AADACL4: variants seen among roughly 807,000 people sequenced by gnomAD.
The protein encoded by AADACL4 is arylacetamide deacetylase like 4.
Under a neutral mutation model 14.1 loss-of-function variants are expected in AADACL4, and 9 were observed. That is an observed-to-expected ratio of 0.64 (90% CI 0.39 to 1.12). The LOEUF (loss-of-function observed/expected upper bound fraction) is 1.12, where lower values mean the gene tolerates loss of function less well. Among genes scored for constraint, AADACL4 ranks in the 50% most tolerant of loss-of-function variants. AADACL4 has a pLI of 0.01. For missense variants in AADACL4, 531 were observed against 516.1 expected (o/e 1.03, Z -0.28); for synonymous variants, 188 against 201.6 (o/e 0.93, Z 0.57).
At chr1:12,659,994 T>C (rs1647214172) in intron 2 of AADACL4, among the ~76,000 whole-genome samples, 1 of 152,154 alleles carries the variant, frequency 6.6e-6, no homozygotes, top group Non-Finnish European at 1.5e-5. Flanking sequence ...AATTTTTCAG[T>C]TATTTGTAGA....
intron 1 of AADACL4, among the ~76,000 whole-genome samples, chr1:12,647,924 T>G (rs1425918081): frequency 6.7e-6 from 1 of 150,054 alleles, no homozygotes; most frequent in Non-Finnish European, 1.5e-5. Context: ...TCCCAAACTG[T>G]TAGGATTACA....
At chr1:12,658,131 C>T (rs548063462) in intron 2 of AADACL4, among the ~76,000 whole-genome samples, 3,883 of 119,480 alleles carry the variant, frequency 0.032, 199 homozygotes, top group African/African-American at 0.11. Flanking sequence ...TTCCTTCCTT[C>T]CTTCCTTCCT....
intron 1 of AADACL4, 146 bp from the exon 2 acceptor site, chr1:12,650,977 C>A: frequency 2.7e-6 from 2 of 739,656 alleles, no homozygotes; most frequent in Non-Finnish European, 4.5e-6. Context: ...CAGTCCAGAG[C>A]CTATGGATTC....
In AADACL4 at chr1:12,666,147, T is replaced by C; in HGVS notation, c.636T>C (p.Leu212=). The change falls in exon 4 of 4, where the codon CTT becomes CTC. Residue 212 remains leucine, a synonymous_variant. Coordinates refer to ENST00000376221, the MANE Select transcript of AADACL4 (RefSeq NM_001013630.2). ...AGGCCTTGGTGGGCAGATCAGATCTTCCCCGGATCCGGGCTCAGGTTCTGA... is the reference window on the plus strand; with the variant it reads ...AGGCCTTGGTGGGCAGATCAGATCTCCCCCGGATCCGGGCTCAGGTTCTGA... ...ITQALVGRSD[L]PRIRAQVLIY... is the part of the protein sequence containing the mutation. The C allele has an allele frequency of 6.2e-7, 1 of 1,614,190 alleles. No homozygotes were observed. The highest frequency in any genetic ancestry group is 8.5e-7 in the Non-Finnish European group (1 of 1,180,034).
chr1:12,655,878 A>G (rs1381197218), intron 2 of AADACL4, among the ~76,000 whole-genome samples: 1 of 152,184 alleles, frequency 6.6e-6, no homozygotes, highest in Non-Finnish European at 1.5e-5. Context: ...GTTCTGATAA[A>G]GAGCCATGAA....
Position 12,666,143 on chromosome 1 carries a change from A to C in AADACL4, c.632A>C (p.Asp211Ala), listed in dbSNP as rs759406017. 50 of 1,614,106 alleles carry C rather than the reference A, an allele frequency of 3.1e-5. No individual in the cohort carries two copies. Among genetic ancestry groups the C allele is most frequent in the Non-Finnish European group, 3.7e-5 (44 of 1,180,062 alleles). The change falls in exon 4 of 4, where the codon GAT becomes GCT. Residue 211 changes from aspartate (D) to alanine (A), a missense_variant. Coordinates refer to ENST00000376221, the MANE Select transcript of AADACL4 (RefSeq NM_001013630.2). ...ACCCAGGCCTTGGTGGGCAGATCAG[A>C]TCTTCCCCGGATCCGGGCTCAGGTT... ...AITQALVGRS[D>A]LPRIRAQVLI...
intron 2 of AADACL4, among the ~76,000 whole-genome samples, chr1:12,660,874 C>T (rs1647221525): frequency 6.6e-6 from 1 of 152,080 alleles, no homozygotes; most frequent in African/African-American, 2.4e-5. Flanking sequence ...AAACTCCTGA[C>T]CTCGTGATCC....
Position 12,666,619 on chromosome 1 carries a change from T to C in AADACL4, c.1108T>C (p.Tyr370His). 1.2e-6 allele frequency: 2 copies of C among 1,614,228 alleles called. No individual in the cohort carries two copies. The highest frequency in any genetic ancestry group is 2.2e-5 in the South Asian group (2 of 91,080). Residue 370 changes from tyrosine to histidine, a missense_variant, in exon 4 of 4, where the codon TAC becomes CAC. Transcript: ENST00000376221. ...GGACCAGGGGGTCCGCGTGACATGGTACCACCTGTATGATGGTTTTCACGG... is the reference window on the plus strand; with the variant it reads ...GGACCAGGGGGTCCGCGTGACATGGCACCACCTGTATGATGGTTTTCACGG... ...LEDQGVRVTW[Y>H]HLYDGFHGSI...
intron 1 of AADACL4, among the ~76,000 whole-genome samples, chr1:12,648,162 G>A (rs892046014): frequency 2.0e-5 from 3 of 151,912 alleles, no homozygotes; most frequent in African/African-American, 4.8e-5. Context: ...AGTAGAGATG[G>A]GGTTTCACCA....
intron 3 of AADACL4, among the ~76,000 whole-genome samples, chr1:12,665,160 T>TGAGA (rs936456275): frequency 6.6e-6 from 1 of 152,216 alleles, no homozygotes; most frequent in African/African-American, 2.4e-5. Flanking sequence ...CCTGAGTAAC[T>TGAGA]GAGACTACAA....
chr1:12,660,116 C>T (rs555111896), intron 2 of AADACL4, among the ~76,000 whole-genome samples: 2 of 152,200 alleles, frequency 1.3e-5, no homozygotes, highest in South Asian at 4.2e-4. Flanking sequence ...CTGTGCCTGG[C>T]CTAATTATTT....
At chr1:12,646,840 C>G (rs968720826) in intron 1 of AADACL4, among the ~76,000 whole-genome samples, 2 of 152,092 alleles carry the variant, frequency 1.3e-5, no homozygotes, top group African/African-American at 4.8e-5. Flanking sequence ...GGCACACTGC[C>G]CATCATGGGG....
intron 1 of AADACL4, among the ~76,000 whole-genome samples, chr1:12,650,510 T>A (rs1056685306): frequency 1.3e-5 from 2 of 151,634 alleles, no homozygotes; most frequent in Admixed American, 1.3e-4. Flanking sequence ...TGCTGGCCAG[T>A]TGCCTTGGCC....
At chr1:12,663,814 C>T (rs1158357803) in intron 3 of AADACL4, among the ~76,000 whole-genome samples, 2 of 152,190 alleles carry the variant, frequency 1.3e-5, no homozygotes, top group Non-Finnish European at 2.9e-5. Context: ...CACCTCCCTG[C>T]AAGGACCCTC....
intron 2 of AADACL4, among the ~76,000 whole-genome samples, chr1:12,656,845 G>T (rs921998479): frequency 1.5e-4 from 23 of 152,060 alleles, no homozygotes; most frequent in Non-Finnish European, 4.4e-5. Flanking sequence ...GTGCCTCAAA[G>T]CTACTCAGTG....
rs1029009542 is a variant in AADACL4 at position 12,666,959 on chromosome 1, C to T, written c.*224C>T. On this transcript the variant is annotated 3_prime_UTR_variant, in exon 4 of 4. Coordinates refer to ENST00000376221, the MANE Select transcript of AADACL4 (RefSeq NM_001013630.2). ...CAATGTCCATTGCTGGATCTAGCGA[C>T]ATTCTCTAACATTCCCATTTAGGTG... 24 of 487,858 alleles carry T rather than the reference C, an allele frequency of 4.9e-5. No individual in the cohort carries two copies. The Admixed American group carries it at 8.9e-4, about 18-fold the overall frequency. The allele number at this position is 487,858 out of a possible 1,614,324, so 30.2% of individuals were successfully genotyped here.
intron 2 of AADACL4, among the ~76,000 whole-genome samples, chr1:12,660,385 T>A (rs1647217302): frequency 6.6e-6 from 1 of 152,208 alleles, no homozygotes; most frequent in Non-Finnish European, 1.5e-5. Context: ...CCCAAGGCGA[T>A]GTCTTGCCTA....
In AADACL4 at chr1:12,644,615, T is replaced by G; in HGVS notation, c.69T>G (p.Ala23=). The G allele has an allele frequency of 6.2e-7, 1 of 1,614,204 alleles. No homozygotes were observed. Among genetic ancestry groups the G allele is most frequent in the Non-Finnish European group, 8.5e-7 (1 of 1,180,024 alleles). ...TTTTCCTGGGGGTCTTTGTCTGGGCTGTCTTTGAGCACTTCCTCACCACGG... is the reference window on the plus strand; with the variant it reads ...TTTTCCTGGGGGTCTTTGTCTGGGCGGTCTTTGAGCACTTCCTCACCACGG... The part of the protein sequence containing the change: ...PIFFLGVFVW[A]VFEHFLTTDI... Residue 23 remains alanine (A), a synonymous_variant, in exon 1 of 4, where the codon GCT becomes GCG. Transcript: ENST00000376221.
intron 2 of AADACL4, among the ~76,000 whole-genome samples, chr1:12,658,090 TC>T (rs1647194346): frequency 7.3e-6 from 1 of 136,164 alleles, no homozygotes; most frequent in African/African-American, 2.8e-5. Flanking sequence ...TCTTTCTTTC[TC>T]TTTCTTTCTC....
Sources: allele counts gnomAD v4.1 joint callset (sites outside exome capture counted in the v4.1 genomes callset), GRCh38; gene constraint gnomAD v4.1.1; transcripts MANE v1.5; gene names NCBI Gene and HGNC (gene_info 2026-07-23, HGNC 2026-07-21).